DYM: variants seen among roughly 807,000 people sequenced by gnomAD.
The protein encoded by DYM is dymeclin.
A neutral mutation model predicts 93.1 loss-of-function variants in DYM; 78 were observed. The ratio of observed to expected loss-of-function variants is 0.84; its 90% CI spans 0.70 to 1.01. DYM has a LOEUF of 1.01. DYM is among the 50% of genes least tolerant of loss of function. The probability of loss-of-function intolerance (pLI) is 0.00; values close to 1 mark genes in which losing one functional copy is unlikely to be tolerated. For synonymous variants in DYM, 321 were observed against 319.7 expected, an observed-to-expected ratio of 1.00 and a Z score of -0.04; for missense variants, 789 against 845.0, an observed-to-expected ratio of 0.93 and a Z score of 0.82.
intron 15 of DYM, among the ~76,000 whole-genome samples, chr18:49,141,331 A>ACT (rs2084473758): frequency 6.6e-6 from 1 of 152,086 alleles, no homozygotes; most frequent in Admixed American, 6.6e-5. Context: ...AGGCCAGGTT[A>ACT]CTCTAGTGCC....
At chr18:49,082,990 T>C (rs770474222) in intron 17 of DYM, among the ~76,000 whole-genome samples, 2 of 152,228 alleles carry the variant, frequency 1.3e-5, no homozygotes, top group Admixed American at 6.5e-5. Flanking sequence ...AGAATTTTTA[T>C]CATGAACAGA....
chr18:49,219,954 A>G (rs886109252), intron 13 of DYM, among the ~76,000 whole-genome samples: 1 of 148,858 alleles, frequency 6.7e-6, no homozygotes, highest in African/African-American at 2.4e-5. Context: ...GAAAAAGAGG[A>G]AGTCAAATTG....
intron 17 of DYM, among the ~76,000 whole-genome samples, chr18:49,069,951 GA>G (rs1317938701): frequency 2.0e-5 from 3 of 152,230 alleles, no homozygotes; most frequent in African/African-American, 7.2e-5. Context: ...TGAGGCAGGA[GA>G]ATTGCCTGAA....
chr18:49,077,981 A>G (rs927528936), intron 17 of DYM, among the ~76,000 whole-genome samples: 3 of 151,790 alleles, frequency 2.0e-5, no homozygotes, highest in Admixed American at 1.3e-4. Flanking sequence ...TGCCAATATC[A>G]TATTTTGCTT....
At chr18:49,434,141 C>T (rs905167757) in intron 1 of DYM, among the ~76,000 whole-genome samples, 13 of 151,954 alleles carry the variant, frequency 8.6e-5, no homozygotes, top group Non-Finnish European at 1.3e-4. Context: ...GTCAGGAGAT[C>T]GAGACCATCC....
intron 13 of DYM, among the ~76,000 whole-genome samples, chr18:49,237,096 C>T (rs2093889984): frequency 6.6e-6 from 1 of 152,050 alleles, no homozygotes. Context: ...ACCCGGGAAT[C>T]AATCACTTTA....
At chr18:49,385,447 G>A (rs1377620448) in intron 3 of DYM, among the ~76,000 whole-genome samples, 2 of 152,170 alleles carry the variant, frequency 1.3e-5, no homozygotes, top group African/African-American at 4.8e-5. Context: ...TGTAATCCCA[G>A]CACTTCGAAG....
chr18:49,280,696 C>T (rs1301317728), intron 10 of DYM, among the ~76,000 whole-genome samples: 3 of 152,304 alleles, frequency 2.0e-5, no homozygotes, highest in South Asian at 4.1e-4. Flanking sequence ...TCCTACCCTC[C>T]GTCTGTGTCT....
chr18:49,420,412 A>G (rs1600114430), intron 2 of DYM, among the ~76,000 whole-genome samples: 1 of 151,982 alleles, frequency 6.6e-6, no homozygotes, highest in Admixed American at 6.6e-5. Flanking sequence ...CAGGTGATCC[A>G]CCTGCCTCGG....
intron 17 of DYM, among the ~76,000 whole-genome samples, chr18:49,074,001 T>A (rs192105103): frequency 6.6e-6 from 1 of 152,326 alleles, no homozygotes; most frequent in East Asian, 1.9e-4. Context: ...AAAGGGAGTC[T>A]CCCAGCTTAT....
chr18:49,428,408 G>A (rs1045249094), intron 2 of DYM, among the ~76,000 whole-genome samples: 2 of 152,176 alleles, frequency 1.3e-5, no homozygotes, highest in African/African-American at 4.8e-5. Context: ...TTAGTGGCTG[G>A]ACGCAGTGTC....
At chr18:49,443,555 T>C (rs982649703) in intron 1 of DYM, among the ~76,000 whole-genome samples, 2 of 152,206 alleles carry the variant, frequency 1.3e-5, no homozygotes, top group African/African-American at 2.4e-5. Context: ...TACTTTATTA[T>C]GTAAAAGCAT....
In DYM at chr18:49,187,462, G is replaced by T. The variant is rs144391689; in HGVS notation, c.1625+22089C>A. Among the ~76,000 whole-genome samples the T allele has an allele frequency of 1.1e-3, 162 of 152,244 alleles. 2 individuals carry two copies. In the East Asian group the frequency reaches 0.023, roughly 22 times the overall value. On this transcript the variant is annotated intron_variant, in intron 14 of 17. Transcript: ENST00000675505. ...TAGTGAGCTAGTATAATGAGCTAAG[G>T]CATTAGAAATCCCATTAACATATTT...
At position 49,103,725 on chromosome 18, in the gene DYM, T is replaced by C. The variant is rs1043257258; in HGVS notation, c.1912-6210A>G. Among the ~76,000 whole-genome samples the C allele has an allele frequency of 4.0e-3, 616 of 152,332 alleles. 3 individuals carry two copies. Among genetic ancestry groups the C allele is most frequent in the African/African-American group, 0.014 (598 of 41,572 alleles). ...TTGTCAAAGATCAGATGGTTGTAGA[T>C]ATGCGGCGTTATTTCTGAGGGCTCT... On this transcript the variant is annotated intron_variant, in intron 16 of 17. Coordinates refer to ENST00000675505, the MANE Select transcript of DYM (RefSeq NM_001353214.3).
chr18:49,141,169 C>T (rs2084444642), intron 15 of DYM, among the ~76,000 whole-genome samples: 1 of 152,152 alleles, frequency 6.6e-6, no homozygotes, highest in African/African-American at 2.4e-5. Context: ...TTTATTTATG[C>T]TGATGTCACC....
At chr18:49,102,180 G>A (rs1332072548) in intron 16 of DYM, among the ~76,000 whole-genome samples, 1 of 152,194 alleles carries the variant, frequency 6.6e-6, no homozygotes, top group East Asian at 1.9e-4. Flanking sequence ...CCTAATAACA[G>A]TAAGAGCTAA....
rs758871314 is a variant in DYM, at chr18:49,430,327, G to A, written c.68C>T (p.Thr23Met). ...KNEYLKKLSG[T>M]ESISENDPFW... ...CGGGTCATTCTCAGAGATAGATTCC[G>A]TGCCTGATAACTTTTTCAAGTACTC... Residue 23 changes from threonine to methionine, a missense_variant, in exon 2 of 18, where the codon ACG becomes ATG. By Grantham distance (81) the Thr-to-Met change is moderately conservative. Around this residue, in one of 3 missense-constraint regions of DYM, gnomAD observed 450 missense variants for 436.2 expected, o/e 1.03. Transcript: ENST00000675505. The A allele has an allele frequency of 5.0e-6, 8 of 1,613,890 alleles. No individual in the cohort carries two copies. Among genetic ancestry groups the A allele is most frequent in the Middle Eastern group, 1.6e-4 (1 of 6,084 alleles).
At chr18:49,359,903 AG>A (rs1285420050) in intron 6 of DYM, 1 of 152,230 alleles carries the variant, frequency 6.6e-6, no homozygotes, top group Non-Finnish European at 1.5e-5. Flanking sequence ...CTACAGTTAG[AG>A]GAAATGAAAC....
At chr18:49,180,711 G>T (rs1180527842) in intron 14 of DYM, among the ~76,000 whole-genome samples, 1 of 152,080 alleles carries the variant, frequency 6.6e-6, no homozygotes, top group East Asian at 1.9e-4. Flanking sequence ...AGACACATTT[G>T]TATTTAAACA....
Sources: allele counts gnomAD v4.1 joint callset (sites outside exome capture counted in the v4.1 genomes callset), GRCh38; gene constraint gnomAD v4.1.1; regional missense constraint gnomAD v4.1.1; transcripts MANE v1.5; gene names NCBI Gene and HGNC (gene_info 2026-07-23, HGNC 2026-07-21).